Variants in CABLES1 observed in about 807,000 individuals in gnomAD.
CABLES1 encodes the protein Cdk5 and Abl enzyme substrate 1, also known as CDK5 and ABL1 enzyme substrate 1.
In CABLES1, 36 loss-of-function variants were observed where a neutral mutation model predicts 57.8. That is an observed-to-expected ratio of 0.62 (90% CI 0.48 to 0.82). The LOEUF is 0.82. Ranked by LOEUF, CABLES1 falls within the 40% of genes least tolerant of loss-of-function variation. The pLI is 0.00. For missense variants in CABLES1, 767 were observed against 836.6 expected (o/e 0.92, Z 1.03); for synonymous variants, 374 against 363.0 (o/e 1.03, Z -0.35).
At chr18:23,211,404 G>A (rs1411845867) in intron 3 of CABLES1, among the ~76,000 whole-genome samples, 1 of 152,230 alleles carries the variant, frequency 6.6e-6, no homozygotes, top group Non-Finnish European at 1.5e-5. Flanking sequence ...CAGTGAGGGT[G>A]TGGAGAGCCT....
chr18:23,201,925 T>C (rs990272277), intron 3 of CABLES1, among the ~76,000 whole-genome samples: 1 of 152,156 alleles, frequency 6.6e-6, no homozygotes, highest in Non-Finnish European at 1.5e-5. Flanking sequence ...GCCCTGGGGC[T>C]ATCCCAGTGG....
intron 7 of CABLES1, among the ~76,000 whole-genome samples, chr18:23,244,942 G>C (rs776537770): frequency 7.9e-5 from 12 of 152,236 alleles, no homozygotes; most frequent in Non-Finnish European, 1.8e-4. Flanking sequence ...AAATGAAGGA[G>C]GCCGGAGCTT....
chr18:23,254,318 A>T (rs772143797), intron 9 of CABLES1, among the ~76,000 whole-genome samples: 1 of 152,180 alleles, frequency 6.6e-6, no homozygotes, highest in African/African-American at 2.4e-5. Context: ...CTACTTCCTT[A>T]GCTGGCTCCT....
intron 1 of CABLES1, among the ~76,000 whole-genome samples, chr18:23,153,200 A>G (rs545527625): frequency 6.6e-6 from 1 of 151,814 alleles, no homozygotes; most frequent in Non-Finnish European, 1.5e-5. Context: ...GACTCAAGCA[A>G]TCCTCCCACC....
intron 1 of CABLES1, among the ~76,000 whole-genome samples, chr18:23,162,143 C>T (rs113333137): frequency 1.0e-3 from 149 of 148,612 alleles, no homozygotes; most frequent in African/African-American, 3.4e-3. Flanking sequence ...CCAGCCTGGG[C>T]GACAAGCACA....
At chr18:23,207,336 TTTA>T (rs1281057718) in intron 3 of CABLES1, among the ~76,000 whole-genome samples, 3 of 152,218 alleles carry the variant, frequency 2.0e-5, no homozygotes, top group African/African-American at 4.8e-5. Context: ...TCCGTGAACA[TTTA>T]TTATTCACTC....
chr18:23,143,111 G>C (rs1209989487), intron 1 of CABLES1, among the ~76,000 whole-genome samples: 1 of 152,126 alleles, frequency 6.6e-6, no homozygotes, highest in Non-Finnish European at 1.5e-5. Flanking sequence ...AGCAGAAGTT[G>C]ACCTAAATGG....
At chr18:23,182,478 T>G (rs1460128830) in intron 1 of CABLES1, among the ~76,000 whole-genome samples, 1 of 152,186 alleles carries the variant, frequency 6.6e-6, no homozygotes, top group African/African-American at 2.4e-5. Flanking sequence ...TCAATGGGAC[T>G]CAACTGTACT....
At chr18:23,241,337 C>T (rs2047731451) in intron 7 of CABLES1, among the ~76,000 whole-genome samples, 1 of 151,974 alleles carries the variant, frequency 6.6e-6, no homozygotes, top group Non-Finnish European at 1.5e-5. Flanking sequence ...TTAAGACCAG[C>T]CTGGCTAACG....
intron 7 of CABLES1, among the ~76,000 whole-genome samples, chr18:23,246,607 G>T (rs1452056331): frequency 9.9e-5 from 15 of 151,888 alleles, no homozygotes; most frequent in Admixed American, 7.2e-4. Flanking sequence ...TAGCCAGGAT[G>T]GTCTCGATCT....
chr18:23,196,854 GA>G (rs2047286980), intron 3 of CABLES1: 1 of 152,314 alleles, frequency 6.6e-6, no homozygotes, highest in African/African-American at 2.4e-5. Context: ...CCCAGCTCCT[GA>G]GTCTCCTTGG....
At chr18:23,228,457 A>T (rs1233935989) in intron 4 of CABLES1, among the ~76,000 whole-genome samples, 1 of 152,130 alleles carries the variant, frequency 6.6e-6, no homozygotes, top group African/African-American at 2.4e-5. Flanking sequence ...CAAAACTAAG[A>T]CAGGGGTCCA....
intron 3 of CABLES1, among the ~76,000 whole-genome samples, chr18:23,207,296 G>A (rs912327807): frequency 6.6e-6 from 1 of 152,274 alleles, no homozygotes; most frequent in Admixed American, 6.5e-5. Flanking sequence ...AGAGGGGAGT[G>A]GAAACGCTGG....
intron 9 of CABLES1, among the ~76,000 whole-genome samples, chr18:23,254,587 A>G (rs1371335810): frequency 6.6e-6 from 1 of 152,190 alleles, no homozygotes; most frequent in African/African-American, 2.4e-5. Context: ...CATAGGCTGG[A>G]TGGCTGAAAT....
chr18:23,248,003 G>T (rs2047940773), intron 7 of CABLES1, among the ~76,000 whole-genome samples: 1 of 152,240 alleles, frequency 6.6e-6, no homozygotes, highest in Non-Finnish European at 1.5e-5. Context: ...AGGAAACGGA[G>T]TCCCCAGCTG....
intron 1 of CABLES1, among the ~76,000 whole-genome samples, chr18:23,160,101 G>A (rs560517302): frequency 3.3e-5 from 5 of 150,850 alleles, no homozygotes; most frequent in Admixed American, 6.6e-5. Context: ...GCAGTGGCGC[G>A]ATCTCCACTC....
At chr18:23,175,454 A>G (rs1046853549) in intron 1 of CABLES1, among the ~76,000 whole-genome samples, 1 of 152,138 alleles carries the variant, frequency 6.6e-6, no homozygotes, top group African/African-American at 2.4e-5. Context: ...TAAAAATGGT[A>G]AAATGACTAC....
intron 7 of CABLES1, among the ~76,000 whole-genome samples, chr18:23,252,046 G>A (rs889759600): frequency 1.5e-4 from 23 of 149,964 alleles, no homozygotes; most frequent in Non-Finnish European, 2.5e-4. Flanking sequence ...AGATTGCACC[G>A]CTGCACTCCA....
intron 7 of CABLES1, among the ~76,000 whole-genome samples, chr18:23,237,620 G>C (rs1480665976): frequency 6.6e-6 from 1 of 152,260 alleles, no homozygotes; most frequent in Non-Finnish European, 1.5e-5. Flanking sequence ...GGTGGCTGCA[G>C]GCCTTCGTGT....
Sources: allele counts gnomAD v4.1 joint callset (sites outside exome capture counted in the v4.1 genomes callset), GRCh38; gene constraint gnomAD v4.1.1; transcripts MANE v1.5; gene names NCBI Gene and HGNC (gene_info 2026-07-23, HGNC 2026-07-21).